The following ADAMTS20 variants were observed in gnomAD, a reference collection of about 807,000 sequenced individuals.
The protein encoded by ADAMTS20 is A disintegrin and metalloproteinase with thrombospondin motifs 20.
Under a neutral mutation model 260.1 loss-of-function variants are expected in ADAMTS20, and 225 were observed. That is an observed-to-expected ratio of 0.87 (90% CI 0.78 to 0.97). ADAMTS20 has a LOEUF of 0.97. ADAMTS20 is among the 50% of genes least tolerant of loss of function. The pLI is 0.00. For missense variants in ADAMTS20, 2,400 were observed against 2,337.7 expected, an observed-to-expected ratio of 1.03 and a Z score of -0.55; for synonymous variants, 802 against 769.5, an observed-to-expected ratio of 1.04 and a Z score of -0.70.
chr12:43,414,568 A>G (rs1941094145), intron 28 of ADAMTS20, among the ~76,000 whole-genome samples: 1 of 152,146 alleles, frequency 6.6e-6, no homozygotes, highest in Non-Finnish European at 1.5e-5. Flanking sequence ...CTTCAGAAAA[A>G]TATGATATCC....
Position 43,376,601 on chromosome 12 carries a change from G to A in ADAMTS20, c.5048C>T (p.Thr1683Ile). Residue 1683 changes from threonine to isoleucine, a missense_variant, in exon 33 of 39, where the codon ACC (threonine) becomes ATC (isoleucine). Coordinates refer to ENST00000389420, the MANE Select transcript of ADAMTS20 (RefSeq NM_025003.5). ...GIMKRQVKCI[T>I]KHGLSSDLCL... is the part of the protein sequence containing the mutation. ...TAAGTCACTGGACAAACCATGTTTG[G>A]TAATGCATTTCACTTGTCTCTTCAT... 6.2e-7 allele frequency: 1 copy of A among 1,613,430 alleles called. No homozygotes were observed. Among genetic ancestry groups the A allele is most frequent in the East Asian group, 2.2e-5 (1 of 44,854 alleles).
chr12:43,471,082 A>G (rs1942248293), intron 7 of ADAMTS20, among the ~76,000 whole-genome samples: 1 of 152,122 alleles, frequency 6.6e-6, no homozygotes, highest in Non-Finnish European at 1.5e-5. Flanking sequence ...TACCGGGTTC[A>G]TCTCACTAGG....
chr12:43,463,152 G>T (rs1195251953), intron 10 of ADAMTS20, among the ~76,000 whole-genome samples, 153 bp from the exon 11 acceptor site: 2 of 152,046 alleles, frequency 1.3e-5, no homozygotes, highest in Non-Finnish European at 2.9e-5. Flanking sequence ...CTAAGTTCTA[G>T]TCATTAATTT....
rs373059010 is a variant in ADAMTS20, at chr12:43,457,399, A to G, written c.1615-3347T>C. Among the ~76,000 whole-genome samples, 31 of 152,222 alleles carry G rather than the reference A, an allele frequency of 2.0e-4. No individual in the cohort carries two copies. The South Asian group carries it at 6.4e-3, about 32-fold the overall frequency. On this transcript the variant is annotated intron_variant, in intron 11 of 38. Coordinates refer to ENST00000389420, the MANE Select transcript of ADAMTS20 (RefSeq NM_025003.5). The stretch of plus-strand genomic sequence containing the variant: ...CAACTTAATGTTGGAATGTCTCTCC[A>G]GGCTCATATCTTGGTTTTTTAATTC...
At chr12:43,535,039 A>G (rs1410551519) in intron 2 of ADAMTS20, among the ~76,000 whole-genome samples, 1 of 152,066 alleles carries the variant, frequency 6.6e-6, no homozygotes, top group Non-Finnish European at 1.5e-5. Context: ...CCACCCAGAA[A>G]GTTTTTCCTT....
At chr12:43,521,169 T>C (rs1461225720) in intron 3 of ADAMTS20, among the ~76,000 whole-genome samples, 1 of 152,222 alleles carries the variant, frequency 6.6e-6, no homozygotes, top group Non-Finnish European at 1.5e-5. Flanking sequence ...ACTGATTAAA[T>C]TCATTAGCTA....
chr12:43,400,260 GAGAC>G (rs1229717108), intron 28 of ADAMTS20, among the ~76,000 whole-genome samples: 1 of 151,900 alleles, frequency 6.6e-6, no homozygotes. Flanking sequence ...TCATTCCTCT[GAGAC>G]AGTTGTTGGC....
At chr12:43,526,350 C>G (rs929536487) in intron 3 of ADAMTS20, among the ~76,000 whole-genome samples, 1 of 151,928 alleles carries the variant, frequency 6.6e-6, no homozygotes, top group Non-Finnish European at 1.5e-5. Flanking sequence ...CCCAGCTACT[C>G]GGGAGGCTGA....
chr12:43,440,981 C>T (rs2137327455), intron 16 of ADAMTS20, among the ~76,000 whole-genome samples: 1 of 150,812 alleles, frequency 6.6e-6, no homozygotes, highest in Non-Finnish European at 1.5e-5. Flanking sequence ...AGGAGAATGG[C>T]GTGAACCCGG....
intron 2 of ADAMTS20, among the ~76,000 whole-genome samples, chr12:43,547,924 A>C (rs938451788): frequency 6.6e-6 from 1 of 152,152 alleles, no homozygotes; most frequent in African/African-American, 2.4e-5. Context: ...TGGCACAAAG[A>C]ACATCACCAG....
At chr12:43,510,842 G>T (rs929638352) in intron 3 of ADAMTS20, among the ~76,000 whole-genome samples, 3 of 151,916 alleles carry the variant, frequency 2.0e-5, no homozygotes, top group African/African-American at 7.3e-5. Flanking sequence ...TAAACTACTA[G>T]AAAATTACTG....
At chr12:43,535,308 A>C (rs17093441) in intron 2 of ADAMTS20, among the ~76,000 whole-genome samples, 17,545 of 152,076 alleles carry the variant, frequency 0.12, 1,330 homozygotes, top group East Asian at 0.29. Context: ...ATTATTTCCT[A>C]CCTTTGCAAG....
At chr12:43,385,666 T>C (rs2137230467) in intron 29 of ADAMTS20, among the ~76,000 whole-genome samples, 1 of 152,324 alleles carries the variant, frequency 6.6e-6, no homozygotes, top group East Asian at 1.9e-4. Flanking sequence ...TTTCTGCATA[T>C]GGCTAGCCAG....
In ADAMTS20 at chr12:43,432,475, A is replaced by T. The variant is rs200416345; in HGVS notation, c.2932-7T>A. On this transcript the variant is annotated splice_polypyrimidine_tract_variant and splice_region_variant and intron_variant, in intron 20 of 38. Transcript: ENST00000389420. The stretch of plus-strand genomic sequence containing the variant: ...CTCCACAACTCCTGGAACACTGATT[A>T]AAAAAAAAAAAGTGGTAACTAATGG... 1.1e-3 allele frequency: 746 copies of T among 685,620 alleles called. 3 individuals are homozygous for T. In the African/African-American group the frequency reaches 0.015, roughly 14 times the overall value. 42.5% of individuals were successfully genotyped at this position (685,620 alleles called of 1,614,324 possible).
At chr12:43,354,376 C>T (rs1163789709) in intron 38 of ADAMTS20, 78 bp from the exon 39 acceptor site, 11 of 1,050,556 alleles carry the variant, frequency 1.0e-5, no homozygotes, top group Non-Finnish European at 1.6e-5. Flanking sequence ...AAAGCAAATG[C>T]TTTGAATCAT....
intron 29 of ADAMTS20, among the ~76,000 whole-genome samples, chr12:43,387,853 T>A (rs897225156): frequency 6.6e-6 from 1 of 152,236 alleles, no homozygotes; most frequent in East Asian, 1.9e-4. Flanking sequence ...GTCTGTCAAG[T>A]CTCAGTAATG....
chr12:43,512,361 T>C (rs888970490), intron 3 of ADAMTS20, among the ~76,000 whole-genome samples: 1 of 150,268 alleles, frequency 6.7e-6, no homozygotes, highest in Admixed American at 6.6e-5. Context: ...AGGATATTAT[T>C]ATTATTATAT....
chr12:43,487,908 G>C (rs1304513759), intron 7 of ADAMTS20, among the ~76,000 whole-genome samples: 1 of 152,138 alleles, frequency 6.6e-6, no homozygotes, highest in Non-Finnish European at 1.5e-5. Flanking sequence ...TGATGTTGCA[G>C]ACTCAAGTGC....
intron 14 of ADAMTS20, among the ~76,000 whole-genome samples, chr12:43,449,238 T>C (rs896283280): frequency 6.6e-6 from 1 of 152,190 alleles, no homozygotes; most frequent in Non-Finnish European, 1.5e-5. Flanking sequence ...TGAACCTAAG[T>C]GTCCATTAAT....
Sources: gnomAD v4.1 joint callset for allele counts (sites outside exome capture counted in the v4.1 genomes callset) on GRCh38, gnomAD v4.1.1 for gene constraint, MANE v1.5 for transcripts, NCBI Gene and HGNC (gene_info 2026-07-23, HGNC 2026-07-21) for gene names.